Variants in IGFBP7 observed in about 807,000 individuals in gnomAD.
IGFBP7 encodes insulin-like growth factor-binding protein 7.
Under a neutral mutation model 29.4 loss-of-function variants are expected in IGFBP7, and 31 were observed. The ratio of observed to expected loss-of-function variants is 1.05; its 90% CI spans 0.79 to 1.42. The LOEUF is 1.42. Ranked by LOEUF, IGFBP7 falls within the 40% of genes most tolerant of loss-of-function variation. The pLI, the probability that IGFBP7 is intolerant of heterozygous loss-of-function variation, is 0.00. For missense variants in IGFBP7, 393 were observed against 395.5 expected, an observed-to-expected ratio of 0.99 and a Z score of 0.05; for synonymous variants, 172 against 174.9, an observed-to-expected ratio of 0.98 and a Z score of 0.13.
At chr4:57,061,829 T>G (rs1724807409) in intron 1 of IGFBP7, among the ~76,000 whole-genome samples, 1 of 152,194 alleles carries the variant, frequency 6.6e-6, no homozygotes, top group African/African-American at 2.4e-5. Context: ...ATTTTTATTT[T>G]TACTTTTTTA....
chr4:57,049,417 C>A (rs1560493801), intron 1 of IGFBP7, among the ~76,000 whole-genome samples: 1 of 152,102 alleles, frequency 6.6e-6, no homozygotes, highest in Non-Finnish European at 1.5e-5. Context: ...TCATTTCTAC[C>A]CAAACTCACT....
intron 1 of IGFBP7, among the ~76,000 whole-genome samples, chr4:57,058,780 G>A (rs1724731451): frequency 6.6e-6 from 1 of 152,140 alleles, no homozygotes; most frequent in South Asian, 2.1e-4. Context: ...CTTCTGCACA[G>A]CAAAAGAAAC....
At chr4:57,044,860 A>T (rs1724320635) in intron 1 of IGFBP7, among the ~76,000 whole-genome samples, 1 of 152,184 alleles carries the variant, frequency 6.6e-6, no homozygotes, top group African/African-American at 2.4e-5. Context: ...ACTCTAGGAC[A>T]AGTAAGAATT....
At chr4:57,053,236 C>T (rs573861555) in intron 1 of IGFBP7, among the ~76,000 whole-genome samples, 1 of 152,124 alleles carries the variant, frequency 6.6e-6, no homozygotes, top group Non-Finnish European at 1.5e-5. Flanking sequence ...AGGCTGATCT[C>T]GAACTCCTGA....
chr4:57,078,894 C>A (rs1271126393), intron 1 of IGFBP7, among the ~76,000 whole-genome samples: 2 of 152,178 alleles, frequency 1.3e-5, no homozygotes, highest in Non-Finnish European at 2.9e-5. Flanking sequence ...ACCAGCTCCA[C>A]CACCCACCCC....
intron 3 of IGFBP7, among the ~76,000 whole-genome samples, chr4:57,032,765 CT>C (rs1264644131): frequency 1.3e-5 from 2 of 152,212 alleles, no homozygotes; most frequent in African/African-American, 4.8e-5. Flanking sequence ...TCATGGACAA[CT>C]TTTGATCATA....
intron 1 of IGFBP7, among the ~76,000 whole-genome samples, chr4:57,054,798 T>A (rs1238954683): frequency 6.6e-6 from 1 of 152,078 alleles, no homozygotes; most frequent in Admixed American, 6.6e-5. Flanking sequence ...AGGCCTGAAC[T>A]CCCTGGGAGG....
intron 1 of IGFBP7, among the ~76,000 whole-genome samples, chr4:57,080,060 C>T (rs994891066): frequency 1.3e-5 from 2 of 152,158 alleles, no homozygotes; most frequent in African/African-American, 4.8e-5. Flanking sequence ...ATCCTGACCA[C>T]GATTCCCACG....
intron 1 of IGFBP7, among the ~76,000 whole-genome samples, chr4:57,085,187 T>C (rs1725468486): frequency 6.6e-6 from 1 of 152,174 alleles, no homozygotes. Flanking sequence ...GTATACTGTC[T>C]GGTCTTCCAA....
Position 57,030,998 on chromosome 4 carries a change from A to C in IGFBP7, c.*319T>G. On this transcript the variant is annotated 3_prime_UTR_variant, in exon 5 of 5. Coordinates refer to ENST00000295666, the MANE Select transcript of IGFBP7 (RefSeq NM_001553.3). ...AATGATGAGTGTTTAGCTATTTTACAGGAGTCAACAAGATAATTAAATATC... is the reference window on the plus strand; with the variant it reads ...AATGATGAGTGTTTAGCTATTTTACCGGAGTCAACAAGATAATTAAATATC... The C allele has an allele frequency of 6.8e-7, 1 of 1,475,144 alleles. No individual in the cohort carries two copies. The highest frequency in any genetic ancestry group is 1.1e-5 in the South Asian group (1 of 88,246). The allele number at this position is 1,475,144 out of a possible 1,614,324, so 91.4% of individuals were successfully genotyped here.
intron 1 of IGFBP7, among the ~76,000 whole-genome samples, chr4:57,102,029 T>C (rs922772314): frequency 1.3e-5 from 2 of 152,216 alleles, no homozygotes; most frequent in Non-Finnish European, 2.9e-5. Flanking sequence ...TAATTCAGGG[T>C]TCCCCAGCTG....
At chr4:57,089,440 T>C (rs1725582791) in intron 1 of IGFBP7, among the ~76,000 whole-genome samples, 1 of 152,170 alleles carries the variant, frequency 6.6e-6, no homozygotes, top group Admixed American at 6.5e-5. Context: ...CTATGTGGTT[T>C]GACATCTTTC....
At chr4:57,104,725 C>T (rs116445827) in intron 1 of IGFBP7, among the ~76,000 whole-genome samples, 49 of 152,246 alleles carry the variant, frequency 3.2e-4, no homozygotes, top group African/African-American at 1.0e-3. Context: ...TAATTTTACT[C>T]GGCAAGGGGA....
intron 1 of IGFBP7, among the ~76,000 whole-genome samples, chr4:57,101,572 T>G (rs1431114079): frequency 6.6e-6 from 1 of 152,162 alleles, no homozygotes; most frequent in African/African-American, 2.4e-5. Context: ...ATTCAACACA[T>G]TAGCTTTTTC....
rs1216246977 is a variant in IGFBP7, at chr4:57,109,978, G to A, written c.374C>T (p.Thr125Ile). 6.5e-7 allele frequency: 1 copy of A among 1,546,604 alleles called. No homozygotes were observed. The highest frequency in any genetic ancestry group is 1.9e-5 in the Admixed American group (1 of 51,850). ...CAGCTGGCAGCCGCTCGGGTAGGTG[G>A]TGCCGTCGCTGCCGCACACCGGGTA... ...SRYPVCGSDGTTYPSGCQLRA... is the reference protein window; with the variant it reads ...SRYPVCGSDGITYPSGCQLRA... The change falls in exon 1 of 5, where the codon ACC becomes ATC. Residue 125 changes from threonine (T) to isoleucine (I), a missense_variant. Thr to Ile is a moderately conservative substitution (Grantham distance 89, BLOSUM62 -1). Transcript: ENST00000295666.
intron 2 of IGFBP7, among the ~76,000 whole-genome samples, chr4:57,035,681 G>A (rs1724068866): frequency 6.6e-6 from 1 of 152,038 alleles, no homozygotes; most frequent in South Asian, 2.1e-4. Context: ...GGGTGGTCTC[G>A]AACTCCTGAC....
Position 57,032,517 on chromosome 4 carries a change from A to C in IGFBP7, c.738T>G (p.Tyr246Ter). The C allele has an allele frequency of 1.2e-6, 2 of 1,614,056 alleles. No homozygotes were observed. The highest frequency in any genetic ancestry group is 1.7e-6 in the Non-Finnish European group (2 of 1,179,910). The change falls in exon 4 of 5, where the codon TAT becomes TAG. Residue 246 changes from tyrosine to a stop codon, truncating the protein, a stop_gained. Coordinates refer to ENST00000295666, the MANE Select transcript of IGFBP7 (RefSeq NM_001553.3). LOFTEE classifies it high-confidence loss of function. ...CTTGGGAATTGGATGCATGGCACTC[A>C]TATTCTCCAGCATCTTCCTTACTTA... ...SPLSKEDAGE[Y>*]ECHASNSQGQ...
At chr4:57,066,486 T>C (rs1012399622) in intron 1 of IGFBP7, among the ~76,000 whole-genome samples, 13 of 152,162 alleles carry the variant, frequency 8.5e-5, no homozygotes, top group Non-Finnish European at 1.9e-4. Flanking sequence ...AGATGGTAAA[T>C]ATTTATTATT....
intron 1 of IGFBP7, among the ~76,000 whole-genome samples, chr4:57,077,289 A>G (rs911429733): frequency 3.9e-5 from 6 of 152,138 alleles, no homozygotes; most frequent in Non-Finnish European, 7.4e-5. Flanking sequence ...TTATTTATTT[A>G]TTGAGACAGA....
Sources: gnomAD v4.1 joint callset for allele counts (sites outside exome capture counted in the v4.1 genomes callset) on GRCh38, gnomAD v4.1.1 for gene constraint, MANE v1.5 for transcripts, NCBI Gene and HGNC (gene_info 2026-07-23, HGNC 2026-07-21) for gene names.